Variants in ZCCHC7 observed in about 807,000 individuals in gnomAD.
The protein encoded by ZCCHC7 is zinc finger CCHC-type containing 7.
ZCCHC7 carries 35 observed loss-of-function variants against 52.0 expected under a neutral mutation model. The ratio of observed to expected loss-of-function variants is 0.67; its 90% CI spans 0.51 to 0.89. The LOEUF is 0.89. ZCCHC7 is among the 40% of genes least tolerant of loss of function. The pLI, the probability that ZCCHC7 is intolerant of heterozygous loss-of-function variation, is 0.00. For missense variants in ZCCHC7, 574 were observed against 649.1 expected (o/e 0.88, Z 1.26); for synonymous variants, 217 against 221.5 (o/e 0.98, Z 0.18).
At chr9:37,161,075 G>A (rs992638605) in intron 2 of ZCCHC7, among the ~76,000 whole-genome samples, 4 of 151,122 alleles carry the variant, frequency 2.6e-5, no homozygotes, top group African/African-American at 7.3e-5. Flanking sequence ...TCAGCCTCCC[G>A]AGTAGCTGGG....
At chr9:37,206,862 A>G (rs1434299259) in intron 2 of ZCCHC7, among the ~76,000 whole-genome samples, 1 of 151,898 alleles carries the variant, frequency 6.6e-6, no homozygotes, top group African/African-American at 2.4e-5. Flanking sequence ...CTATTCTGCC[A>G]TGTCTGTGTG....
At chr9:37,291,197 T>G (rs1828518884) in intron 2 of ZCCHC7, among the ~76,000 whole-genome samples, 1 of 152,240 alleles carries the variant, frequency 6.6e-6, no homozygotes, top group Non-Finnish European at 1.5e-5. Flanking sequence ...AATTTTTAGA[T>G]GAATCAGAAG....
At chr9:37,160,421 A>G (rs1821034704) in intron 2 of ZCCHC7, among the ~76,000 whole-genome samples, 1 of 152,192 alleles carries the variant, frequency 6.6e-6, no homozygotes, top group Admixed American at 6.5e-5. Flanking sequence ...AGGCTGAGGC[A>G]GGAGAGTCAC....
At position 37,252,138 on chromosome 9, in the gene ZCCHC7, G is replaced by A. The variant is rs145367655; in HGVS notation, c.611-50050G>A. Among the ~76,000 whole-genome samples, 7 of 152,224 alleles carry A rather than the reference G, an allele frequency of 4.6e-5. No individual in the cohort carries two copies. The East Asian group carries it at 9.6e-4, about 21-fold the overall frequency. On this transcript the variant is annotated intron_variant, in intron 2 of 8. Coordinates refer to ENST00000336755, the MANE Select transcript of ZCCHC7 (RefSeq NM_032226.3). Reference sequence around the variant, plus strand: ...TAAATTGGATTTATGAAAATGAGGTGTAATATTTCTCGTTTAAACAGCTCT... The same window carrying A: ...TAAATTGGATTTATGAAAATGAGGTATAATATTTCTCGTTTAAACAGCTCT...
At chr9:37,297,363 A>T (rs1588630295) in intron 2 of ZCCHC7, among the ~76,000 whole-genome samples, 2 of 152,340 alleles carry the variant, frequency 1.3e-5, no homozygotes. Context: ...AATGTCTTTT[A>T]CATGAGAGAG....
intron 2 of ZCCHC7, among the ~76,000 whole-genome samples, chr9:37,150,943 T>C (rs1299154263): frequency 6.6e-6 from 1 of 151,658 alleles, no homozygotes; most frequent in African/African-American, 2.4e-5. Flanking sequence ...GATATAACTT[T>C]TCTATTTCTG....
At chr9:37,334,940 T>A (rs1830587564) in intron 6 of ZCCHC7, among the ~76,000 whole-genome samples, 1 of 152,152 alleles carries the variant, frequency 6.6e-6, no homozygotes, top group Non-Finnish European at 1.5e-5. Flanking sequence ...TTATTAGCTT[T>A]GTAAAAGGAA....
At chr9:37,353,595 AT>A (rs1821522325) in intron 7 of ZCCHC7, among the ~76,000 whole-genome samples, 1 of 152,186 alleles carries the variant, frequency 6.6e-6, no homozygotes, top group African/African-American at 2.4e-5. Flanking sequence ...GTAATACTTT[AT>A]TCTTGGGGGA....
At chr9:37,199,496 T>C (rs1823483534) in intron 2 of ZCCHC7, among the ~76,000 whole-genome samples, 1 of 151,328 alleles carries the variant, frequency 6.6e-6, no homozygotes, top group African/African-American at 2.4e-5. Flanking sequence ...CACGCCCAGT[T>C]AATTTTTTGT....
chr9:37,326,534 G>A (rs886509009), intron 5 of ZCCHC7, among the ~76,000 whole-genome samples: 2 of 151,012 alleles, frequency 1.3e-5, no homozygotes, highest in African/African-American at 2.4e-5. Context: ...AAATTACACA[G>A]GAAAGTTAAA....
chr9:37,133,456 A>G (rs1588353071), intron 2 of ZCCHC7, among the ~76,000 whole-genome samples: 1 of 150,238 alleles, frequency 6.7e-6, no homozygotes, highest in Admixed American at 6.6e-5. Flanking sequence ...GCTCACTGCA[A>G]CCTCTGCCAC....
At chr9:37,158,551 A>G (rs1820932350) in intron 2 of ZCCHC7, among the ~76,000 whole-genome samples, 1 of 152,236 alleles carries the variant, frequency 6.6e-6, no homozygotes, top group Non-Finnish European at 1.5e-5. Flanking sequence ...AGTCATTTAT[A>G]TGACATTTCC....
At chr9:37,159,272 A>G (rs1290757684) in intron 2 of ZCCHC7, among the ~76,000 whole-genome samples, 2 of 152,218 alleles carry the variant, frequency 1.3e-5, no homozygotes, top group Non-Finnish European at 2.9e-5. Context: ...CTGTGACAAC[A>G]TTTTAATCTA....
intron 2 of ZCCHC7, among the ~76,000 whole-genome samples, chr9:37,234,900 CT>C (rs1554716827): frequency 6.6e-6 from 1 of 152,078 alleles, no homozygotes; most frequent in Non-Finnish European, 1.5e-5. Flanking sequence ...GTCATTTAAT[CT>C]TTTCTCAAGT....
chr9:37,144,717 A>G (rs1430088603), intron 2 of ZCCHC7, among the ~76,000 whole-genome samples: 1 of 151,810 alleles, frequency 6.6e-6, no homozygotes, highest in Non-Finnish European at 1.5e-5. Context: ...AGGTGTTACT[A>G]TTTTATTGTT....
chr9:37,193,369 TATTAACTAAA>T (rs1343809445), intron 2 of ZCCHC7, among the ~76,000 whole-genome samples: 1 of 152,202 alleles, frequency 6.6e-6, no homozygotes, highest in Non-Finnish European at 1.5e-5. Flanking sequence ...AAATTACTTT[TATTAACTAAA>T]ATTCTCCTAC....
At chr9:37,235,986 A>T (rs1490001344) in intron 2 of ZCCHC7, among the ~76,000 whole-genome samples, 1 of 152,104 alleles carries the variant, frequency 6.6e-6, no homozygotes, top group Admixed American at 6.5e-5. Context: ...TTGATTCTAT[A>T]TCTTGGCTAA....
At chr9:37,130,884 G>A (rs1032741049) in intron 2 of ZCCHC7, among the ~76,000 whole-genome samples, 22 of 152,154 alleles carry the variant, frequency 1.4e-4, no homozygotes, top group Non-Finnish European at 3.2e-4. Flanking sequence ...AATAGGATTA[G>A]TGAATTTGAG....
At chr9:37,175,470 G>A (rs907414627) in intron 2 of ZCCHC7, among the ~76,000 whole-genome samples, 10 of 152,086 alleles carry the variant, frequency 6.6e-5, no homozygotes, top group African/African-American at 9.7e-5. Context: ...TTGGGAGGCC[G>A]AGATAGGCGG....
Sources: gnomAD v4.1 joint callset for allele counts (sites outside exome capture counted in the v4.1 genomes callset) on GRCh38, gnomAD v4.1.1 for gene constraint, MANE v1.5 for transcripts, NCBI Gene and HGNC (gene_info 2026-07-23, HGNC 2026-07-21) for gene names.